Variants in DLGAP2 observed in about 807,000 individuals in gnomAD.
The protein encoded by DLGAP2 is disks large-associated protein 2.
In DLGAP2, 26 loss-of-function variants were observed where a neutral mutation model predicts 100.3. The ratio of observed to expected loss-of-function variants is 0.26; its 90% CI spans 0.19 to 0.36. DLGAP2 has a LOEUF of 0.36. Ranked by LOEUF, DLGAP2 falls within the 10% of genes least tolerant of loss-of-function variation. The probability of loss-of-function intolerance (pLI) is 1.00; values close to 1 mark genes in which losing one functional copy is unlikely to be tolerated. For missense variants in DLGAP2, 1,858 were observed against 1,453.2 expected, an observed-to-expected ratio of 1.28 and a Z score of -4.53; for synonymous variants, 886 against 630.1, an observed-to-expected ratio of 1.41 and a Z score of -6.08.
intron 2 of DLGAP2, among the ~76,000 whole-genome samples, chr8:1,091,146 A>C (rs1585049755): frequency 1.3e-5 from 2 of 151,474 alleles, no homozygotes; most frequent in Admixed American, 1.3e-4. Flanking sequence ...CACACAGCCC[A>C]CCCCGGTTCT....
chr8:1,218,672 T>C (rs1030211150), intron 2 of DLGAP2, among the ~76,000 whole-genome samples: 5 of 152,106 alleles, frequency 3.3e-5, no homozygotes, highest in African/African-American at 1.2e-4. Flanking sequence ...TGGAAAATCA[T>C]GTTGGTAGTT....
At chr8:1,343,030 A>G (rs1801454451) in intron 3 of DLGAP2, among the ~76,000 whole-genome samples, 2 of 152,232 alleles carry the variant, frequency 1.3e-5, no homozygotes, top group Admixed American at 6.5e-5. Flanking sequence ...TTCTTGCCAC[A>G]TTAATTTCTG....
intron 2 of DLGAP2, among the ~76,000 whole-genome samples, chr8:994,594 T>G (rs1800734482): frequency 6.6e-6 from 1 of 152,204 alleles, no homozygotes; most frequent in South Asian, 2.1e-4. Flanking sequence ...GCACCTGTGC[T>G]GCTTCCTAGA....
At chr8:1,056,174 C>G (rs912901076) in intron 2 of DLGAP2, among the ~76,000 whole-genome samples, 1 of 152,188 alleles carries the variant, frequency 6.6e-6, no homozygotes, top group Non-Finnish European at 1.5e-5. Flanking sequence ...AAAAAATACC[C>G]GTTTGTTCCT....
intron 1 of DLGAP2, among the ~76,000 whole-genome samples, chr8:783,800 A>G (rs1009331001): frequency 6.6e-6 from 1 of 152,160 alleles, no homozygotes; most frequent in African/African-American, 2.4e-5. Flanking sequence ...TGTCAGAACA[A>G]TGGAGAGTTT....
chr8:902,312 T>C (rs944809311), intron 1 of DLGAP2, among the ~76,000 whole-genome samples: 6 of 151,782 alleles, frequency 4.0e-5, no homozygotes. Flanking sequence ...GGGACTGTGT[T>C]TTAATTTGTG....
chr8:1,685,999 G>A (rs965611794), intron 12 of DLGAP2, among the ~76,000 whole-genome samples: 1 of 152,174 alleles, frequency 6.6e-6, no homozygotes, highest in African/African-American at 2.4e-5. Context: ...TAGCCACTAT[G>A]GAAAGCAGTA....
In DLGAP2 at chr8:1,325,642, C is replaced by T. The variant is rs369763243; in HGVS notation, c.106+66759C>T. ...ACAAGCATACCCTACAGGGCCTGAACGGAGCAGCCTCCAGCAGTGATTGGC... is the reference window on the plus strand; with the variant it reads ...ACAAGCATACCCTACAGGGCCTGAATGGAGCAGCCTCCAGCAGTGATTGGC... On this transcript the variant is annotated intron_variant, in intron 3 of 14. Coordinates refer to ENST00000637795, the MANE Select transcript of DLGAP2 (RefSeq NM_001346810.2). Among the ~76,000 whole-genome samples the T allele has an allele frequency of 3.9e-5, 6 of 152,216 alleles. No individual in the cohort carries two copies. The East Asian group carries it at 5.8e-4, about 15-fold the overall frequency.
chr8:1,592,056 CATTT>C (rs1240379624), intron 6 of DLGAP2, among the ~76,000 whole-genome samples: 2 of 152,150 alleles, frequency 1.3e-5, no homozygotes, highest in Non-Finnish European at 2.9e-5. Flanking sequence ...TATCCAGTCT[CATTT>C]ATCCCTTATC....
chr8:1,027,837 G>A (rs1325857131), intron 2 of DLGAP2, among the ~76,000 whole-genome samples: 4 of 133,720 alleles, frequency 3.0e-5, no homozygotes, highest in South Asian at 2.6e-4. Context: ...GGTGTCAGGC[G>A]CCCGTTATTC....
intron 2 of DLGAP2, among the ~76,000 whole-genome samples, chr8:1,180,798 G>A (rs1797369431): frequency 6.6e-6 from 1 of 152,212 alleles, no homozygotes; most frequent in South Asian, 2.1e-4. Context: ...GTGTGCAAGG[G>A]CAGTACACTT....
chr8:1,114,039 G>A (rs966284531), intron 2 of DLGAP2, among the ~76,000 whole-genome samples: 5 of 152,206 alleles, frequency 3.3e-5, no homozygotes, highest in African/African-American at 1.2e-4. Flanking sequence ...GCATCCAGGA[G>A]ATGAAGCCTA....
At chr8:869,423 C>T (rs1332911167) in intron 1 of DLGAP2, among the ~76,000 whole-genome samples, 1 of 152,164 alleles carries the variant, frequency 6.6e-6, no homozygotes, top group African/African-American at 2.4e-5. Flanking sequence ...CGTGTTTTCT[C>T]TTTCAGCAAA....
In DLGAP2 at chr8:1,108,717, C is replaced by G. The variant is rs1286663767; in HGVS notation, c.74-150134C>G. The stretch of plus-strand genomic sequence containing the variant: ...CATGGGTCTGTGAGGTGTGCACGTG[C>G]CTATAATGTGTGCACGTGCCTATGA... On this transcript the variant is annotated intron_variant, in intron 2 of 14. Transcript: ENST00000637795. Among the ~76,000 whole-genome samples, 4 of 126,056 alleles carry G rather than the reference C, an allele frequency of 3.2e-5. No individual in the cohort carries two copies. In the East Asian group the frequency reaches 1.0e-3, roughly 32 times the overall value. 82.7% of individuals were successfully genotyped at this position (126,056 alleles called of 152,430 possible). A position where few individuals can be genotyped will look rare whatever the true frequency, so the allele number is the denominator to read the frequency against.
intron 8 of DLGAP2, among the ~76,000 whole-genome samples, chr8:1,655,017 G>A (rs111480784): frequency 0.042 from 6,428 of 152,294 alleles, 186 homozygotes; most frequent in Non-Finnish European, 0.063. Flanking sequence ...CAGCAGAGCA[G>A]CTGACATCAC....
intron 4 of DLGAP2, among the ~76,000 whole-genome samples, chr8:1,548,010 T>C (rs779244117): frequency 6.6e-6 from 1 of 152,218 alleles, no homozygotes; most frequent in Non-Finnish European, 1.5e-5. Flanking sequence ...CTATGTGAAA[T>C]ACAACTATGC....
rs556809471 is a variant in DLGAP2, at chr8:1,123,057, A to T, written c.74-135794A>T. ...ACAAACTGGGTTGGGGGCACTAAAT[A>T]TTCAAATGTATTTGAAAATAACTAT... On this transcript the variant is annotated intron_variant, in intron 2 of 14. Coordinates refer to ENST00000637795, the MANE Select transcript of DLGAP2 (RefSeq NM_001346810.2). Among the ~76,000 whole-genome samples, 3 of 152,366 alleles carry T rather than the reference A, an allele frequency of 2.0e-5. No individual in the cohort carries two copies. In the South Asian group the frequency reaches 6.2e-4, roughly 32 times the overall value.
chr8:821,193 A>G (rs1469861741), intron 1 of DLGAP2, among the ~76,000 whole-genome samples: 1 of 152,262 alleles, frequency 6.6e-6, no homozygotes, highest in East Asian at 1.9e-4. Flanking sequence ...ACTAATCATC[A>G]AACAGATGTT....
intron 3 of DLGAP2, among the ~76,000 whole-genome samples, chr8:1,391,090 AAG>A (rs1179736282): frequency 2.6e-5 from 4 of 152,212 alleles, no homozygotes; most frequent in Non-Finnish European, 4.4e-5. Flanking sequence ...AGTCAGAAGA[AAG>A]AAGACGTTCC....
Sources: gnomAD v4.1 joint callset for allele counts (sites outside exome capture counted in the v4.1 genomes callset) on GRCh38, gnomAD v4.1.1 for gene constraint, MANE v1.5 for transcripts, NCBI Gene and HGNC (gene_info 2026-07-23, HGNC 2026-07-21) for gene names.